The following SYNE1 variants were observed in gnomAD, a reference collection of about 807,000 sequenced individuals.
SYNE1 encodes the protein spectrin repeat containing nuclear envelope protein 1.
In SYNE1, 616 loss-of-function variants were observed where a neutral mutation model predicts 1,111.0. The observed-to-expected ratio is 0.55, with a 90% CI of 0.52 to 0.59. The LOEUF (loss-of-function observed/expected upper bound fraction) is 0.59, where lower values mean the gene tolerates loss of function less well. Among genes scored for constraint, SYNE1 ranks in the 20% least tolerant of loss-of-function variants. The probability of loss-of-function intolerance (pLI) is 0.00; values close to 1 mark genes in which losing one functional copy is unlikely to be tolerated. For missense variants in SYNE1, 10,006 were observed against 10,417.0 expected (o/e 0.96, Z 1.72); for synonymous variants, 3,855 against 3,825.8 (o/e 1.01, Z -0.28).
chr6:152,182,074 C>T (rs1334069438), intron 128 of SYNE1, among the ~76,000 whole-genome samples: 2 of 152,172 alleles, frequency 1.3e-5, no homozygotes, highest in African/African-American at 2.4e-5. Flanking sequence ...CTACTCAAAT[C>T]CGTTGCCTGC....
chr6:152,488,752 A>G (rs1024870884), intron 11 of SYNE1, among the ~76,000 whole-genome samples: 2 of 151,412 alleles, frequency 1.3e-5, no homozygotes, highest in African/African-American at 4.9e-5. Flanking sequence ...AGTAACGCTA[A>G]TTTAATAAAG....
Position 152,151,539 on chromosome 6 carries a change from A to G in SYNE1, c.24450+14T>C. ...GCTTTCTTCACTTTGGTAACTTGAAAAATAATCTATTACCTTGAGTTGCTT... is the reference window on the plus strand; with the variant it reads ...GCTTTCTTCACTTTGGTAACTTGAAGAATAATCTATTACCTTGAGTTGCTT... On this transcript the variant is annotated intron_variant, in intron 135 of 145. Transcript: ENST00000367255. 6.2e-7 allele frequency: 1 copy of G among 1,613,748 alleles called. No individual in the cohort carries two copies. Among genetic ancestry groups the G allele is most frequent in the South Asian group, 1.1e-5 (1 of 90,894 alleles).
chr6:152,542,229 G>C (rs916478443), intron 3 of SYNE1, among the ~76,000 whole-genome samples: 3 of 152,090 alleles, frequency 2.0e-5, no homozygotes, highest in Non-Finnish European at 2.9e-5. Context: ...ACAGCAACTT[G>C]GTTCCCAATG....
chr6:152,268,158 T>A lies in SYNE1; in HGVS notation c.18713A>T (p.Glu6238Val). Residue 6238 changes from glutamate (E) to valine (V), a missense_variant, in exon 100 of 146, where the codon GAA (glutamate) becomes GTA (valine). Glu to Val is a moderately radical substitution (Grantham distance 121). Coordinates refer to ENST00000367255, the MANE Select transcript of SYNE1 (RefSeq NM_182961.4). ...QSSLQQQKELEQELAEQKSLL... is the reference protein window; with the variant it reads ...QSSLQQQKELVQELAEQKSLL... ...ACTCTTCTGCTCGGCTAATTCCTGT[T>A]CTAACTCCTGCTCAAGGGAAAGGAC... is the stretch of plus-strand genomic sequence containing the variant. The A allele has an allele frequency of 6.2e-7, 1 of 1,613,746 alleles. No individual in the cohort carries two copies. Among genetic ancestry groups the A allele is most frequent in the Non-Finnish European group, 8.5e-7 (1 of 1,179,634 alleles).
chr6:152,242,425 G>A lies in SYNE1; in HGVS notation c.19708C>T (p.Leu6570=), dbSNP rs1176776970. Residue 6570 remains leucine, a synonymous_variant, in exon 107 of 146, where the codon CTG becomes TTG. Transcript: ENST00000367255. ...LSKLQDMYDE[L]MMIIGSRRSG... is the part of the protein sequence containing the mutation. ...CTCCGGGAGCCAATGATCATCATCAGCTCATCATACATGTCCTAAGAAGCA... is the reference window on the plus strand; with the variant it reads ...CTCCGGGAGCCAATGATCATCATCAACTCATCATACATGTCCTAAGAAGCA... 5.0e-6 allele frequency: 8 copies of A among 1,613,786 alleles called. No individual in the cohort carries two copies. Among genetic ancestry groups the A allele is most frequent in the South Asian group, 1.1e-5 (1 of 91,064 alleles).
intron 130 of SYNE1, among the ~76,000 whole-genome samples, chr6:152,169,776 G>A (rs77766315): frequency 0.021 from 3,198 of 151,122 alleles, 110 homozygotes; most frequent in African/African-American, 0.07. Context: ...CTACAGCCTG[G>A]GTGACAGCGC....
chr6:152,362,078 C>A, intron 64 of SYNE1, 92 bp downstream of exon 64: 1 of 1,568,620 alleles, frequency 6.4e-7, no homozygotes, highest in African/African-American at 1.3e-5. Context: ...ATGTGCACTG[C>A]CCTAGGGTAC....
intron 3 of SYNE1, among the ~76,000 whole-genome samples, chr6:152,579,845 A>G (rs1024341726): frequency 6.6e-6 from 1 of 152,166 alleles, no homozygotes; most frequent in Admixed American, 6.5e-5. Context: ...GCTGTAAATA[A>G]CATGATTTCA....
chr6:152,326,023 A>T lies in SYNE1; in HGVS notation c.15373T>A (p.Ser5125Thr). 1 of 1,614,204 alleles carries T rather than the reference A, an allele frequency of 6.2e-7. No homozygotes were observed. The highest frequency in any genetic ancestry group is 2.2e-5 in the East Asian group (1 of 44,880). The change falls in exon 80 of 146, where the codon TCT becomes ACT. Residue 5125 changes from serine to threonine, a missense_variant. Around this residue, in one of 7 missense-constraint regions of SYNE1, gnomAD observed 4,955 missense variants for 5,017.2 expected, o/e 0.99. Transcript: ENST00000367255. ...GAAGTCTTCAACAAAGAAAACTCAGACAATTTCTTTTCTGTATCATTCATC... is the reference window on the plus strand; with the variant it reads ...GAAGTCTTCAACAAAGAAAACTCAGTCAATTTCTTTTCTGTATCATTCATC... ...ELMNDTEKKL[S>T]EFSLLKTSSS...
intron 122 of SYNE1, 104 bp from the exon 123 acceptor site, chr6:152,213,863 A>AGC: frequency 6.6e-7 from 1 of 1,509,164 alleles, no homozygotes; most frequent in Non-Finnish European, 9.1e-7. Context: ...ATTCTAATTG[A>AGC]ACCACCACAA....
chr6:152,530,624 T>A (rs1353820231), intron 4 of SYNE1, among the ~76,000 whole-genome samples: 1 of 74,532 alleles, frequency 1.3e-5, no homozygotes, highest in Admixed American at 1.1e-4. Flanking sequence ...TGTGATGAAA[T>A]TTTTTTTTTT....
intron 3 of SYNE1, among the ~76,000 whole-genome samples, chr6:152,552,800 C>T (rs1410808386): frequency 6.6e-6 from 1 of 152,090 alleles, no homozygotes; most frequent in East Asian, 1.9e-4. Context: ...TGTTGCTTTC[C>T]GCTGCTTCAG....
intron 98 of SYNE1, chr6:152,277,824 A>C: frequency 1.9e-6 from 1 of 522,254 alleles, no homozygotes; most frequent in South Asian, 1.9e-5. Flanking sequence ...CTCTCCTCTC[A>C]TTGTTACTTT....
In SYNE1 at chr6:152,569,187, C is replaced by A. The variant is rs141480230; in HGVS notation, c.68-29166G>T. 2.8e-3 allele frequency among the ~76,000 whole-genome samples: 422 copies of A among 152,284 alleles called. 2 individuals are homozygous for A. The highest frequency in any genetic ancestry group is 9.3e-3 in the African/African-American group (385 of 41,564). ...CCTACAGAAGCAGATCAGCAATCGG[C>A]TTTAACAAGATACCCAGGTGATTCT... On this transcript the variant is annotated intron_variant, in intron 3 of 145. Coordinates refer to ENST00000367255, the MANE Select transcript of SYNE1 (RefSeq NM_182961.4).
chr6:152,395,529 G>A lies in SYNE1; in HGVS notation c.7699C>T (p.Leu2567=). The A allele has an allele frequency of 4.3e-6, 7 of 1,613,822 alleles. No homozygotes were observed. Among genetic ancestry groups the A allele is most frequent in the Non-Finnish European group, 5.9e-6 (7 of 1,179,888 alleles). The change falls in exon 51 of 146, where the codon CTG becomes TTG. Residue 2567 remains leucine (L), a synonymous_variant. Transcript: ENST00000367255. ...VHKVEMFLGE[L]LAARESLDKL... ...TCTGGACCATACCTTGCAGCCAGCA[G>A]TTCTCCCAAAAACATTTCAACTTTA...
chr6:152,318,091 T>A lies in SYNE1; in HGVS notation c.16562A>T (p.Lys5521Met). ...GCCCGGAACACATACCTGATTGAGC[T>A]TGGAGAGCCGATTCTCAGCTTGTCT... The part of the protein sequence containing the change: ...TIRQAENRLS[K>M]LNQAASHLEE... The change falls in exon 86 of 146, where the codon AAG (lysine) becomes ATG (methionine). Residue 5521 changes from lysine to methionine, a missense_variant. Physicochemically the swap from Lys to Met is moderately conservative, Grantham distance 95. Transcript: ENST00000367255. The A allele has an allele frequency of 6.2e-7, 1 of 1,614,204 alleles. No homozygotes were observed. Among genetic ancestry groups the A allele is most frequent in the South Asian group, 1.1e-5 (1 of 91,090 alleles).
chr6:152,419,936 A>G (rs2098227904), intron 39 of SYNE1, among the ~76,000 whole-genome samples: 1 of 152,196 alleles, frequency 6.6e-6, no homozygotes, highest in South Asian at 2.1e-4. Context: ...TGTTGGTCCT[A>G]TGAGGCACTC....
Position 152,404,333 on chromosome 6 carries a change from CAT to C in SYNE1, c.6724-21_6724-20del. On this transcript the variant is annotated intron_variant, in intron 45 of 145. Transcript: ENST00000367255. The stretch of plus-strand genomic sequence containing the variant: ...CTTCAGACTGCCAAAAGGGAAGAAA[CAT>C]AACTAATCAAAAACACTGACATGCT... 6.4e-7 allele frequency: 1 copy of C among 1,565,244 alleles called. No individual in the cohort carries two copies. Among genetic ancestry groups the C allele is most frequent in the African/African-American group, 1.4e-5 (1 of 73,922 alleles).
At chr6:152,591,997 T>C (rs9478341) in intron 3 of SYNE1, among the ~76,000 whole-genome samples, 5,764 of 152,030 alleles carry the variant, frequency 0.038, 374 homozygotes, top group African/African-American at 0.13. Flanking sequence ...TCAGAATGGA[T>C]CTTATTAAAA....
Sources: allele counts gnomAD v4.1 joint callset (sites outside exome capture counted in the v4.1 genomes callset), GRCh38; gene constraint gnomAD v4.1.1; regional missense constraint gnomAD v4.1.1; transcripts MANE v1.5; gene names NCBI Gene and HGNC (gene_info 2026-07-23, HGNC 2026-07-21).